TASP1: variants seen among roughly 807,000 people sequenced by gnomAD.
TASP1 encodes taspase 1.
A neutral mutation model predicts 56.6 loss-of-function variants in TASP1; 16 were observed. That is an observed-to-expected ratio of 0.28 (90% CI 0.19 to 0.43). TASP1 has a LOEUF of 0.43. Among genes scored for constraint, TASP1 ranks in the 20% least tolerant of loss-of-function variants. The pLI is 1.00. For missense variants in TASP1, 393 were observed against 511.6 expected, an observed-to-expected ratio of 0.77 and a Z score of 2.24; for synonymous variants, 179 against 184.2, an observed-to-expected ratio of 0.97 and a Z score of 0.23.
Position 13,498,693 on chromosome 20 carries a change from C to CA in TASP1, c.875-15357dup, listed in dbSNP as rs111645975. Among the ~76,000 whole-genome samples the CA allele has an allele frequency of 8.1e-4, 110 of 136,014 alleles. No individual in the cohort carries two copies. In the South Asian group the frequency reaches 8.7e-3, roughly 11 times the overall value. 89.2% of individuals were successfully genotyped at this position (136,014 alleles called of 152,430 possible). On this transcript the variant is annotated intron_variant, in intron 10 of 13. Transcript: ENST00000337743. ...ACATACAAATGGCCAACAAACATAC[C>CA]AAAAAAAAAAATGTTCAACATCGCT...
the TASP1 span, among the ~76,000 whole-genome samples, chr20:13,189,804 G>A: frequency 6.6e-6 from 1 of 151,964 alleles, no homozygotes; most frequent in Admixed American, 6.6e-5. Flanking sequence ...TATTAGATAG[G>A]AACCCAAAGG....
At chr20:13,159,489 C>T in the TASP1 span, among the ~76,000 whole-genome samples, 1 of 152,148 alleles carries the variant, frequency 6.6e-6, no homozygotes, top group African/African-American at 2.4e-5. Context: ...ACTACAGACC[C>T]TCTGATCTTG....
At chr20:13,144,074 C>T in the TASP1 span, among the ~76,000 whole-genome samples, 39 of 152,274 alleles carry the variant, frequency 2.6e-4, no homozygotes, top group African/African-American at 9.1e-4. Flanking sequence ...CTCAAGGTGG[C>T]ATTTTTAGCT....
intron 11 of TASP1, among the ~76,000 whole-genome samples, chr20:13,439,005 G>C (rs1009351806): frequency 2.0e-5 from 3 of 152,226 alleles, no homozygotes; most frequent in Non-Finnish European, 4.4e-5. Context: ...GTTAGGAAAC[G>C]ACTGGTGCTG....
At chr20:13,435,287 T>C (rs774504883) in intron 11 of TASP1, 133 bp from the exon 12 acceptor site, 86 of 677,770 alleles carry the variant, frequency 1.3e-4, no homozygotes, top group Non-Finnish European at 2.1e-4. Flanking sequence ...CCATTGTTCA[T>C]ACCTCATTAT....
intron 4 of TASP1, among the ~76,000 whole-genome samples, chr20:13,601,016 C>T (rs898145163): frequency 1.3e-5 from 2 of 152,174 alleles, no homozygotes; most frequent in Admixed American, 6.5e-5. Flanking sequence ...TGGCTCACGC[C>T]TGTAATCCCA....
intron 2 of TASP1, among the ~76,000 whole-genome samples, chr20:13,626,653 C>G (rs978113982): frequency 6.6e-6 from 1 of 152,110 alleles, no homozygotes; most frequent in Non-Finnish European, 1.5e-5. Flanking sequence ...AAATCCTAAA[C>G]CTGTTTCTCA....
the TASP1 span, chr20:13,270,415 C>T: frequency 1.4e-6 from 2 of 1,426,406 alleles, no homozygotes; most frequent in East Asian, 2.5e-5. Context: ...CTGGAATTGT[C>T]CTTGCTCCTG....
chr20:13,110,141 G>C, the TASP1 span: 1 of 1,613,464 alleles, frequency 6.2e-7, no homozygotes, highest in East Asian at 2.2e-5. Context: ...GCTCCTGAGA[G>C]ATGCTGTCAT....
chr20:13,241,804 C>G, the TASP1 span, among the ~76,000 whole-genome samples: 9 of 152,102 alleles, frequency 5.9e-5, no homozygotes, highest in South Asian at 2.1e-4. Context: ...GCAAGTTTGT[C>G]AAGTTGGATG....
At chr20:13,157,823 C>T in the TASP1 span, among the ~76,000 whole-genome samples, 20 of 152,290 alleles carry the variant, frequency 1.3e-4, no homozygotes, top group African/African-American at 4.6e-4. Context: ...TATGTAGAGA[C>T]ATTTTTTGAA....
At chr20:13,302,779 A>C in the TASP1 span, among the ~76,000 whole-genome samples, 1 of 152,206 alleles carries the variant, frequency 6.6e-6, no homozygotes. Context: ...CCTGGGTGCC[A>C]CATCTGAACA....
the TASP1 span, among the ~76,000 whole-genome samples, chr20:13,331,948 A>T: frequency 6.6e-6 from 1 of 152,114 alleles, no homozygotes; most frequent in East Asian, 1.9e-4. Flanking sequence ...AAATGGATTA[A>T]TTGACCCATT....
chr20:13,158,133 T>G, the TASP1 span, among the ~76,000 whole-genome samples: 1 of 152,232 alleles, frequency 6.6e-6, no homozygotes, highest in Non-Finnish European at 1.5e-5. Flanking sequence ...TGTAATACAC[T>G]TGGAAGATGG....
At chr20:13,305,426 G>A in the TASP1 span, among the ~76,000 whole-genome samples, 1 of 152,086 alleles carries the variant, frequency 6.6e-6, no homozygotes, top group African/African-American at 2.4e-5. Flanking sequence ...ATTCCATCCC[G>A]ACACACAAAG....
chr20:13,364,922 T>A, the TASP1 span, among the ~76,000 whole-genome samples: 2 of 151,062 alleles, frequency 1.3e-5, no homozygotes, highest in African/African-American at 4.9e-5. Context: ...ATTGAACTAT[T>A]TTTTTTTTTC....
At chr20:13,512,678 T>C (rs1014734303) in intron 10 of TASP1, among the ~76,000 whole-genome samples, 2 of 152,250 alleles carry the variant, frequency 1.3e-5, no homozygotes, top group Admixed American at 6.5e-5. Flanking sequence ...TCTTTGCCCA[T>C]GCCTATGTCC....
chr20:13,362,018 T>C, the TASP1 span, among the ~76,000 whole-genome samples: 28,511 of 142,488 alleles, frequency 0.2, 3,390 homozygotes, highest in African/African-American at 0.33. Flanking sequence ...ATACCACAAA[T>C]GTTTCTTCTA....
intron 11 of TASP1, among the ~76,000 whole-genome samples, chr20:13,441,265 A>C (rs6042107): frequency 0.058 from 8,900 of 152,226 alleles, 367 homozygotes; most frequent in African/African-American, 0.12. Flanking sequence ...TAATTCAATA[A>C]AAATGTACTA....
Sources: gnomAD v4.1 joint callset for allele counts (sites outside exome capture counted in the v4.1 genomes callset) on GRCh38, gnomAD v4.1.1 for gene constraint, MANE v1.5 for transcripts, NCBI Gene and HGNC (gene_info 2026-07-23, HGNC 2026-07-21) for gene names.